ACOT2: variants seen among roughly 807,000 people sequenced by gnomAD.
ACOT2 encodes acyl-CoA thioesterase 2.
Under a neutral mutation model 20.1 loss-of-function variants are expected in ACOT2, and 15 were observed. That is an observed-to-expected ratio of 0.75 (90% CI 0.50 to 1.15). The LOEUF (loss-of-function observed/expected upper bound fraction) is 1.15. Among genes scored for constraint, ACOT2 ranks in the 50% most tolerant of loss-of-function variants. ACOT2 has a pLI of 0.00. For missense variants in ACOT2, 479 were observed against 615.3 expected, an observed-to-expected ratio of 0.78 and a Z score of 2.34; for synonymous variants, 252 against 268.4, an observed-to-expected ratio of 0.94 and a Z score of 0.60.
rs1206320446 is a variant in ACOT2 at position 73,569,702 on chromosome 14, G to T, written c.462G>T (p.Arg154=). The part of the protein sequence containing the change: ...WALEPEKPLV[R]LVKRDVRTPL... The stretch of plus-strand genomic sequence containing the variant: ...TGGAGCCCGAGAAACCTTTGGTGCG[G>T]CTGGTGAAGCGCGACGTGCGAACGC... Residue 154 remains arginine, a synonymous_variant, in exon 1 of 3, where the codon CGG becomes CGT. Coordinates refer to ENST00000238651, the MANE Select transcript of ACOT2 (RefSeq NM_006821.6). 6.2e-6 allele frequency: 10 copies of T among 1,609,488 alleles called. No individual in the cohort carries two copies. Among genetic ancestry groups the T allele is most frequent in the Non-Finnish European group, 8.5e-6 (10 of 1,178,918 alleles).
chr14:73,574,972 C>G lies in ACOT2; in HGVS notation c.911C>G (p.Ala304Gly). The change falls in exon 3 of 3, where the codon GCC (alanine) becomes GGC (glycine). Residue 304 changes from alanine to glycine, a missense_variant. Ala to Gly is a moderately conservative substitution (Grantham distance 60). Coordinates refer to ENST00000238651, the MANE Select transcript of ACOT2 (RefSeq NM_006821.6). Reference protein sequence around the residue: ...SKGGELCLSMASFLKGITAAV... With the variant: ...SKGGELCLSMGSFLKGITAAV... ...GGGGGTGAGCTCTGCCTTTCCATGG[C>G]CTCTTTCCTGAAGGGCATCACGGCT... 1 of 1,605,166 alleles carries G rather than the reference C, an allele frequency of 6.2e-7. No homozygotes were observed.
chr14:73,574,438 G>T (rs770261841), intron 2 of ACOT2: 3 of 246,712 alleles, frequency 1.2e-5, no homozygotes, highest in Non-Finnish European at 2.4e-5. Context: ...GCTAATTCTT[G>T]TATTTTTAGT....
upstream of ACOT2, among the ~76,000 whole-genome samples, chr14:73,568,427 G>C (rs1889642494): frequency 6.6e-6 from 1 of 151,870 alleles, no homozygotes; most frequent in African/African-American, 2.4e-5. Context: ...TGCATGGGGA[G>C]CTCCGGTAGT....
chr14:73,570,579 C>G (rs1889709364), intron 1 of ACOT2, among the ~76,000 whole-genome samples: 2 of 148,128 alleles, frequency 1.4e-5, no homozygotes, highest in African/African-American at 2.5e-5. Context: ...AAAAAAAAGA[C>G]ATTGTAAGGA....
chr14:73,568,657 G>A (rs1889646972), upstream of ACOT2, among the ~76,000 whole-genome samples: 1 of 152,018 alleles, frequency 6.6e-6, no homozygotes, highest in Admixed American at 6.6e-5. Context: ...GGTGGCTCAT[G>A]CCTGTAAATC....
rs1889834255 is a variant in ACOT2, at chr14:73,574,396, C to T, written c.847-512C>T. On this transcript the variant is annotated intron_variant, in intron 2 of 2. Coordinates refer to ENST00000238651, the MANE Select transcript of ACOT2 (RefSeq NM_006821.6). ...TCTTCTGCCTCAGCCTCCCACGTAG[C>T]TGTGACTACAGGCACGTGCCACTAC... 9.9e-6 allele frequency: 2 copies of T among 202,626 alleles called. 1 individual carries two copies. The highest frequency in any genetic ancestry group is 2.0e-5 in the Non-Finnish European group (2 of 98,972). The allele number at this position is 202,626 out of a possible 1,614,324, so 12.6% of individuals were successfully genotyped here.
rs145037381 is a variant in ACOT2 at position 73,573,808 on chromosome 14, C to A, written c.846+218C>A. On this transcript the variant is annotated intron_variant, in intron 2 of 2. Transcript: ENST00000238651. Reference sequence around the variant, plus strand: ...GTGGTGCGATCTTGGCTCACTGCAACCTCCACCTCCCAAGTTCAAGTGATT... The same window carrying A: ...GTGGTGCGATCTTGGCTCACTGCAAACTCCACCTCCCAAGTTCAAGTGATT... Among the ~76,000 whole-genome samples, 1,004 of 151,954 alleles carry A rather than the reference C, an allele frequency of 6.6e-3. 18 individuals carry two copies. The highest frequency in any genetic ancestry group is 0.023 in the African/African-American group (962 of 41,422).
chr14:73,573,577 T>C lies in ACOT2; in HGVS notation c.833T>C (p.Leu278Pro). The C allele has an allele frequency of 6.2e-7, 1 of 1,613,794 alleles. No individual in the cohort carries two copies. Among genetic ancestry groups the C allele is most frequent in the Non-Finnish European group, 8.5e-7 (1 of 1,179,734 alleles). ...TTTGAAGAAGCCATGAACTACTTGC[T>C]CAGTCATCCCGAGGTTAGTTCTTCT... ...EYFEEAMNYL[L>P]SHPEVKGPGV... The change falls in exon 2 of 3, where the codon CTC becomes CCC. Residue 278 changes from leucine (L) to proline (P), a missense_variant. Transcript: ENST00000238651.
chr14:73,575,025 A>G lies in ACOT2; in HGVS notation c.964A>G (p.Asn322Asp), dbSNP rs1889850871. Residue 322 changes from asparagine (N) to aspartate (D), a missense_variant, in exon 3 of 3, where the codon AAT becomes GAT. By Grantham distance (23) the Asn-to-Asp change is conservative. Around this residue, in one of 4 missense-constraint regions of ACOT2, gnomAD observed 39 missense variants for 108.0 expected, o/e 0.36. Coordinates refer to ENST00000238651, the MANE Select transcript of ACOT2 (RefSeq NM_006821.6). ...TGTCGTCATCAACGGCTCTGTGGCC[A>G]ATGTTGGGGGAACCTTACACTACAA... is the stretch of plus-strand genomic sequence containing the variant. Reference protein sequence around the residue: ...AAVVINGSVANVGGTLHYKGE... With the variant: ...AAVVINGSVADVGGTLHYKGE... 1 of 1,593,110 alleles carries G rather than the reference A, an allele frequency of 6.3e-7. No homozygotes were observed. The highest frequency in any genetic ancestry group is 2.3e-5 in the East Asian group (1 of 44,324).
At position 73,569,561 on chromosome 14, in the gene ACOT2, T is replaced by C. The variant is rs774090136; in HGVS notation, c.321T>C (p.Leu107=). 1.9e-5 allele frequency: 31 copies of C among 1,601,902 alleles called. No individual in the cohort carries two copies. Among genetic ancestry groups the C allele is most frequent in the Admixed American group, 1.0e-4 (6 of 58,638 alleles). ...RASLRDEKGA[L]FQAHARYRAD... ...CCCTGCGCGACGAGAAGGGCGCGCT[T>C]TTCCAGGCCCACGCGCGCTACCGCG... Residue 107 remains leucine (L), a synonymous_variant, in exon 1 of 3, where the codon CTT becomes CTC. Transcript: ENST00000238651.
At chr14:73,573,721 C>T in intron 2 of ACOT2, 131 bp downstream of exon 2, 16 of 1,110,810 alleles carry the variant, frequency 1.4e-5, no homozygotes, top group Non-Finnish European at 2.0e-5. Flanking sequence ...TTTTTAGTCA[C>T]TTCTTATAGA....
intron 2 of ACOT2, among the ~76,000 whole-genome samples, chr14:73,574,028 A>T (rs1889824009): frequency 9.5e-6 from 1 of 104,756 alleles, no homozygotes. Context: ...GCCCAGCCTA[A>T]TATTTGTATT....
Position 73,569,881 on chromosome 14 carries a change from C to A in ACOT2, c.641C>A (p.Pro214Gln), listed in dbSNP as rs753915913. Reference sequence around the variant, plus strand: ...GTGCGAGGCACGCTCTTCCTGCCGCCAGGTGACTCACCTCCGCTAATTGTT... The same window carrying A: ...GTGCGAGGCACGCTCTTCCTGCCGCAAGGTGACTCACCTCCGCTAATTGTT... The part of the protein sequence containing the change: ...GRVRGTLFLP[P>Q]EPGPFPGIVD... Residue 214 changes from proline to glutamine, a missense_variant and splice_region_variant, in exon 1 of 3, where the codon CCA becomes CAA. Pro to Gln is a moderately conservative substitution (Grantham distance 76, BLOSUM62 -1). Transcript: ENST00000238651. The A allele has an allele frequency of 4.8e-5, 77 of 1,603,288 alleles. No homozygotes were observed. The highest frequency in any genetic ancestry group is 2.2e-4 in the Admixed American group (13 of 59,158).
At chr14:73,570,904 A>T (rs1283932477) in intron 1 of ACOT2, among the ~76,000 whole-genome samples, 2 of 9,540 alleles carry the variant, frequency 2.1e-4, no homozygotes, top group Non-Finnish European at 3.3e-4. Flanking sequence ...ACTCTATCTT[A>T]AAAAAAAAAA....
chr14:73,570,927 G>A (rs916971768), intron 1 of ACOT2, among the ~76,000 whole-genome samples: 4 of 149,550 alleles, frequency 2.7e-5, no homozygotes, highest in African/African-American at 9.8e-5. Flanking sequence ...AAAAATTCAG[G>A]TAGTTTCAAT....
chr14:73,568,683 G>T (rs1307871835), upstream of ACOT2, among the ~76,000 whole-genome samples: 6 of 152,134 alleles, frequency 3.9e-5, no homozygotes, highest in Non-Finnish European at 8.8e-5. Context: ...ATTTTGGGAG[G>T]CTGAGGCGGG....
rs746173035 is a variant in ACOT2, at chr14:73,569,326, G to C, written c.86G>C (p.Arg29Pro). ...FKMASSPAVL[R>P]ASRLYQWSLK... ...ATGGCCTCATCTCCTGCTGTCCTTC[G>C]AGCGTCCCGGCTGTACCAATGGAGC... The change falls in exon 1 of 3, where the codon CGA becomes CCA. Residue 29 changes from arginine (R) to proline (P), a missense_variant. Around this residue, in one of 4 missense-constraint regions of ACOT2, gnomAD observed 400 missense variants for 395.5 expected, o/e 1.01. Transcript: ENST00000238651. The C allele has an allele frequency of 1.9e-6, 3 of 1,613,942 alleles. No homozygotes were observed. The highest frequency in any genetic ancestry group is 2.5e-6 in the Non-Finnish European group (3 of 1,179,796).
chr14:73,569,191 A>G (rs1889654710), upstream of ACOT2: 1 of 1,596,210 alleles, frequency 6.3e-7, no homozygotes, highest in Non-Finnish European at 8.6e-7. Flanking sequence ...TCACGTTAGC[A>G]GACAGCTCTG....
At chr14:73,573,738 C>A (rs1198718361) in intron 2 of ACOT2, 148 bp downstream of exon 2, 1 of 1,043,652 alleles carries the variant, frequency 9.6e-7, no homozygotes, top group East Asian at 2.6e-5. Flanking sequence ...TAGACAGTTT[C>A]TTTTTTTGAG....
Sources: gnomAD v4.1 joint callset for allele counts (sites outside exome capture counted in the v4.1 genomes callset) on GRCh38, gnomAD v4.1.1 for gene constraint, gnomAD v4.1.1 regional missense constraint, MANE v1.5 for transcripts, NCBI Gene and HGNC (gene_info 2026-07-23, HGNC 2026-07-21) for gene names.